TMEM132B: variants seen among roughly 807,000 people sequenced by gnomAD.
TMEM132B encodes the protein transmembrane protein 132B.
TMEM132B carries 18 observed loss-of-function variants against 90.8 expected under a neutral mutation model. The observed-to-expected ratio is 0.20, with a 90% CI of 0.14 to 0.29. The LOEUF is 0.29. Among genes scored for constraint, TMEM132B ranks in the 10% least tolerant of loss-of-function variants. The probability of loss-of-function intolerance (pLI) is 1.00; values close to 1 mark genes in which losing one functional copy is unlikely to be tolerated. For synonymous variants in TMEM132B, 504 were observed against 523.3 expected (o/e 0.96, Z 0.50); for missense variants, 1,096 against 1,326.8 (o/e 0.83, Z 2.70).
rs1419247851 is a variant in TMEM132B at position 125,658,301 on chromosome 12, C to A, written c.*3591C>A. On this transcript the variant is annotated 3_prime_UTR_variant, in exon 9 of 9. Coordinates refer to ENST00000682704, the MANE Select transcript of TMEM132B (RefSeq NM_001366854.1). ...TGTCCACCTTTGTGCATTTTGGTAG[C>A]ATTCTTGTTTCATTATTTTAGAAAG... is the stretch of plus-strand genomic sequence containing the variant. The A allele has an allele frequency of 6.6e-6, 1 of 152,194 alleles. No individual in the cohort carries two copies. Among genetic ancestry groups the A allele is most frequent in the Non-Finnish European group, 1.5e-5 (1 of 68,028 alleles). 9.4% of individuals were successfully genotyped at this position (152,194 alleles called of 1,614,324 possible).
rs1336610227 is a variant in TMEM132B at position 125,650,712 on chromosome 12, A to T, written c.1673A>T (p.Asp558Val). ...RPTRESDDED[D>V]EEKKGRGCSL... ...ACCCGGGAAAGCGATGACGAGGACG[A>T]TGAGGAGAAGAAGGGACGAGGCTGC... The change falls in exon 7 of 9, where the codon GAT becomes GTT. Residue 558 changes from aspartate (D) to valine (V), a missense_variant. Transcript: ENST00000682704. 1.2e-6 allele frequency: 2 copies of T among 1,610,916 alleles called. No individual in the cohort carries two copies. Among genetic ancestry groups the T allele is most frequent in the African/African-American group, 2.7e-5 (2 of 74,864 alleles).
intron 2 of TMEM132B, among the ~76,000 whole-genome samples, chr12:125,405,916 G>A (rs1356638341): frequency 5.3e-5 from 8 of 152,162 alleles, no homozygotes; most frequent in Non-Finnish European, 1.0e-4. Flanking sequence ...CATGGCTGCT[G>A]GCATCTTGCA....
At chr12:125,604,943 T>G (rs1427853390) in intron 5 of TMEM132B, among the ~76,000 whole-genome samples, 1 of 152,188 alleles carries the variant, frequency 6.6e-6, no homozygotes, top group Non-Finnish European at 1.5e-5. Flanking sequence ...CTGACCCGCT[T>G]TAGTGCACAA....
intron 3 of TMEM132B, among the ~76,000 whole-genome samples, chr12:125,471,900 G>A (rs987143163): frequency 2.6e-5 from 4 of 152,254 alleles, no homozygotes; most frequent in Admixed American, 1.3e-4. Flanking sequence ...TTCATTTCTT[G>A]GTCTGATTCC....
intron 3 of TMEM132B, among the ~76,000 whole-genome samples, chr12:125,455,991 C>T (rs1881283220): frequency 6.6e-6 from 1 of 152,140 alleles, no homozygotes; most frequent in Non-Finnish European, 1.5e-5. Flanking sequence ...GTTGCAACTA[C>T]TACGTTCCAC....
At chr12:125,242,418 T>C (rs1443730900) in intron 1 of TMEM132B, among the ~76,000 whole-genome samples, 1 of 152,194 alleles carries the variant, frequency 6.6e-6, no homozygotes, top group Non-Finnish European at 1.5e-5. Flanking sequence ...CCCAATATCA[T>C]TCCCATTTTA....
chr12:125,515,978 A>G (rs1036376758), intron 3 of TMEM132B, among the ~76,000 whole-genome samples: 3 of 149,144 alleles, frequency 2.0e-5, no homozygotes, highest in African/African-American at 7.5e-5. Flanking sequence ...CGACACACAC[A>G]CATGCACACA....
chr12:125,334,779 C>T (rs1302190830), intron 1 of TMEM132B, among the ~76,000 whole-genome samples: 1 of 152,204 alleles, frequency 6.6e-6, no homozygotes, highest in Non-Finnish European at 1.5e-5. Context: ...GCATATTGCA[C>T]ACTTCTCCTC....
intron 4 of TMEM132B, among the ~76,000 whole-genome samples, chr12:125,543,994 T>G (rs1408999653): frequency 6.6e-6 from 1 of 152,148 alleles, no homozygotes; most frequent in Admixed American, 6.5e-5. Context: ...TGTGTACATA[T>G]AACACCATGG....
intron 5 of TMEM132B, among the ~76,000 whole-genome samples, chr12:125,611,171 C>T (rs866638219): frequency 2.0e-5 from 3 of 152,144 alleles, no homozygotes; most frequent in South Asian, 2.1e-4. Context: ...TCTTAGGTTA[C>T]GCAATCTGTT....
At chr12:125,322,101 C>T (rs1350482674) in intron 1 of TMEM132B, among the ~76,000 whole-genome samples, 2 of 152,188 alleles carry the variant, frequency 1.3e-5, no homozygotes, top group African/African-American at 2.4e-5. Context: ...ACCCAAATCT[C>T]ATCTTGAATT....
intron 1 of TMEM132B, among the ~76,000 whole-genome samples, chr12:125,278,620 G>A (rs1212410325): frequency 6.6e-6 from 1 of 151,958 alleles, no homozygotes; most frequent in African/African-American, 2.4e-5. Context: ...TTTGGGGATG[G>A]GGTGGGAATG....
At chr12:125,457,423 T>C (rs1309921364) in intron 3 of TMEM132B, among the ~76,000 whole-genome samples, 1 of 152,182 alleles carries the variant, frequency 6.6e-6, no homozygotes, top group East Asian at 1.9e-4. Context: ...GGTTCCTTGA[T>C]CTCTTTATTA....
chr12:125,431,573 T>C (rs1480950224), intron 3 of TMEM132B, among the ~76,000 whole-genome samples: 1 of 129,772 alleles, frequency 7.7e-6, no homozygotes, highest in Non-Finnish European at 1.6e-5. Context: ...AAACCAGGTC[T>C]TCCTGTGGGC....
At chr12:125,554,123 A>G (rs1051131388) in intron 4 of TMEM132B, among the ~76,000 whole-genome samples, 3 of 152,164 alleles carry the variant, frequency 2.0e-5, no homozygotes, top group Non-Finnish European at 4.4e-5. Context: ...CTTTCTTTGT[A>G]TAAGATTTAT....
rs115703801 is a variant in TMEM132B, at chr12:125,584,406, G to T, written c.1437+412G>T. 7.1e-3 allele frequency: 1,255 copies of T among 177,354 alleles called. 18 individuals carry two copies. The highest frequency in any genetic ancestry group is 0.029 in the African/African-American group (1,202 of 41,960). The allele number at this position is 177,354 out of a possible 1,614,324, so 11.0% of individuals were successfully genotyped here. A position where few individuals can be genotyped will look rare whatever the true frequency, so the allele number is the denominator to read the frequency against. ...TCAATATATTTTCTTTAAATGCCTTGCTTCTTTCGGGTAGCCAGTTAGCTC... is the reference window on the plus strand; with the variant it reads ...TCAATATATTTTCTTTAAATGCCTTTCTTCTTTCGGGTAGCCAGTTAGCTC... On this transcript the variant is annotated intron_variant, in intron 5 of 8. Transcript: ENST00000682704.
intron 3 of TMEM132B, among the ~76,000 whole-genome samples, chr12:125,432,931 G>T (rs150320369): frequency 6.6e-6 from 1 of 152,166 alleles, no homozygotes; most frequent in Non-Finnish European, 1.5e-5. Flanking sequence ...CACTCATTTG[G>T]TCTATGAGCA....
At chr12:125,200,232 A>G (rs1873023823) in intron 1 of TMEM132B, among the ~76,000 whole-genome samples, 1 of 152,232 alleles carries the variant, frequency 6.6e-6, no homozygotes, top group African/African-American at 2.4e-5. Context: ...GAATGCATAA[A>G]TGTATCTCTT....
chr12:125,598,928 T>C (rs1885508535), intron 5 of TMEM132B, among the ~76,000 whole-genome samples: 1 of 152,068 alleles, frequency 6.6e-6, no homozygotes, highest in African/African-American at 2.4e-5. Context: ...TCAGGATACT[T>C]TGTGTTTCTT....
Sources: allele counts gnomAD v4.1 joint callset (sites outside exome capture counted in the v4.1 genomes callset), GRCh38; gene constraint gnomAD v4.1.1; transcripts MANE v1.5; gene names NCBI Gene and HGNC (gene_info 2026-07-23, HGNC 2026-07-21).